Variants in NR3C2 observed in about 807,000 individuals in gnomAD.
The protein encoded by NR3C2 is mineralocorticoid receptor.
In NR3C2, 15 loss-of-function variants were observed where a neutral mutation model predicts 86.4. The observed-to-expected ratio is 0.17, with a 90% CI of 0.12 to 0.27. The LOEUF (loss-of-function observed/expected upper bound fraction) is 0.27. Ranked by LOEUF, NR3C2 falls within the 10% of genes least tolerant of loss-of-function variation. The pLI is 1.00. For missense variants in NR3C2, 960 were observed against 1,195.6 expected (o/e 0.80, Z 2.91); for synonymous variants, 458 against 450.5 (o/e 1.02, Z -0.21).
chr4:148,380,614 T>C (rs1055307837), intron 2 of NR3C2, among the ~76,000 whole-genome samples: 2 of 152,216 alleles, frequency 1.3e-5, no homozygotes, highest in Non-Finnish European at 2.9e-5. Flanking sequence ...CTTGTTACTG[T>C]CTCTTTGATT....
chr4:148,296,224 A>AT lies in NR3C2; in HGVS notation c.1758-36108dup, dbSNP rs565659964. On this transcript the variant is annotated intron_variant, in intron 2 of 8. Coordinates refer to ENST00000358102, the MANE Select transcript of NR3C2 (RefSeq NM_000901.5). ...AAGATTATTTTAAGAATGAAAGTAC[A>AT]TTTTTTTTTTGTTTACTGTCAACTT... 8.9e-3 allele frequency among the ~76,000 whole-genome samples: 1,322 copies of AT among 149,206 alleles called. 10 individuals carry two copies. Among genetic ancestry groups the AT allele is most frequent in the South Asian group, 0.029 (139 of 4,732 alleles).
chr4:148,251,696 A>G (rs1739587443), intron 3 of NR3C2, among the ~76,000 whole-genome samples: 1 of 152,228 alleles, frequency 6.6e-6, no homozygotes, highest in Non-Finnish European at 1.5e-5. Context: ...TCAAGATGTT[A>G]AAGAGGTACT....
chr4:148,096,087 T>A (rs1019288933), intron 8 of NR3C2, among the ~76,000 whole-genome samples: 1 of 152,190 alleles, frequency 6.6e-6, no homozygotes, highest in African/African-American at 2.4e-5. Context: ...TAACGTTTCC[T>A]TGTATTAAAA....
chr4:148,299,301 CT>C (rs968730290), intron 2 of NR3C2, among the ~76,000 whole-genome samples: 2 of 151,996 alleles, frequency 1.3e-5, no homozygotes, highest in African/African-American at 2.4e-5. Flanking sequence ...ATCTTTTCCC[CT>C]TTTTTTTCTG....
At chr4:148,316,366 A>G (rs570698569) in intron 2 of NR3C2, among the ~76,000 whole-genome samples, 4 of 152,158 alleles carry the variant, frequency 2.6e-5, no homozygotes, top group Non-Finnish European at 5.9e-5. Context: ...CGGAACATGT[A>G]TTATATTTAT....
intron 2 of NR3C2, among the ~76,000 whole-genome samples, chr4:148,403,071 C>A (rs1230132691): frequency 6.6e-6 from 1 of 151,844 alleles, no homozygotes; most frequent in Non-Finnish European, 1.5e-5. Context: ...CATTTTTAAA[C>A]ACAGATTCTA....
At chr4:148,137,174 T>C (rs1733386449) in intron 6 of NR3C2, among the ~76,000 whole-genome samples, 1 of 152,180 alleles carries the variant, frequency 6.6e-6, no homozygotes, top group Admixed American at 6.5e-5. Flanking sequence ...GGTAGCACTA[T>C]ATAATCATAA....
chr4:148,313,110 G>A (rs899913338), intron 2 of NR3C2, among the ~76,000 whole-genome samples: 1 of 152,146 alleles, frequency 6.6e-6, no homozygotes, highest in African/African-American at 2.4e-5. Flanking sequence ...ATACCTAAAT[G>A]AGATAGAACA....
At chr4:148,269,434 C>T (rs377417102) in intron 2 of NR3C2, among the ~76,000 whole-genome samples, 1 of 152,086 alleles carries the variant, frequency 6.6e-6, no homozygotes, top group Non-Finnish European at 1.5e-5. Context: ...AAAATCACTC[C>T]ACATCTTTTC....
rs529851300 is a variant in NR3C2, at chr4:148,154,851, G to T, written c.2065C>A (p.Pro689Thr). The T allele has an allele frequency of 3.1e-6, 5 of 1,588,616 alleles. No homozygotes were observed. The South Asian group carries it at 4.6e-5, about 15-fold the overall frequency. Residue 689 changes from proline (P) to threonine (T), a missense_variant, in exon 5 of 9, where the codon CCA becomes ACA. Physicochemically the swap from Pro to Thr is conservative, Grantham distance 38. Transcript: ENST00000358102. ...GKLKGIHEEQ[P>T]QQQQPPPPPP... ...GGGGGTGGGGGCTGCTGCTGCTGTG[G>T]CTGCTCCTCGTGAATCCCTTTTAAC...
At chr4:148,169,533 AAT>A (rs889350945) in intron 4 of NR3C2, among the ~76,000 whole-genome samples, 1 of 150,922 alleles carries the variant, frequency 6.6e-6, no homozygotes, top group African/African-American at 2.4e-5. Context: ...CATGTATATA[AAT>A]ATATATATAT....
chr4:148,147,782 A>G (rs1017963213), intron 6 of NR3C2, among the ~76,000 whole-genome samples: 6 of 152,188 alleles, frequency 3.9e-5, no homozygotes, highest in African/African-American at 1.2e-4. Flanking sequence ...AGCACGGGTA[A>G]TGGCTCAGCG....
chr4:148,143,638 A>G (rs1051594270), intron 6 of NR3C2, among the ~76,000 whole-genome samples: 1 of 152,204 alleles, frequency 6.6e-6, no homozygotes, highest in African/African-American at 2.4e-5. Context: ...AGGGTTTTAT[A>G]AAAACAAAAC....
At chr4:148,366,848 C>T (rs1234724143) in intron 2 of NR3C2, among the ~76,000 whole-genome samples, 1 of 152,068 alleles carries the variant, frequency 6.6e-6, no homozygotes, top group Non-Finnish European at 1.5e-5. Context: ...TGACCTTGTA[C>T]TATATTAAGA....
At chr4:148,431,669 T>C (rs1749807449) in intron 2 of NR3C2, among the ~76,000 whole-genome samples, 1 of 152,190 alleles carries the variant, frequency 6.6e-6, no homozygotes, top group Non-Finnish European at 1.5e-5. Context: ...CAGACTGAAA[T>C]AAAGACAACA....
chr4:148,099,729 G>C (rs533274226), intron 8 of NR3C2, among the ~76,000 whole-genome samples: 1 of 152,154 alleles, frequency 6.6e-6, no homozygotes, highest in African/African-American at 2.4e-5. Context: ...GCATAGGAGC[G>C]GGGGATTTAT....
chr4:148,341,780 G>A (rs897060011), intron 2 of NR3C2, among the ~76,000 whole-genome samples: 3 of 151,982 alleles, frequency 2.0e-5, no homozygotes, highest in Non-Finnish European at 4.4e-5. Flanking sequence ...AGCAGCAATG[G>A]CTACCCAGAA....
rs1220936053 is a variant in NR3C2 at position 148,130,787 on chromosome 4, GTTTTT to G, written c.2511-10504_2511-10500del. 2.5e-3 allele frequency among the ~76,000 whole-genome samples: 325 copies of G among 128,332 alleles called. 4 individuals are homozygous for G. The highest frequency in any genetic ancestry group is 0.013 in the East Asian group (56 of 4,468). 84.2% of individuals were successfully genotyped at this position (128,332 alleles called of 152,430 possible). ...CAAGAGGAGGCCTCTCAATGAACAC[GTTTTT>G]TTTTTTGTTTTGTTTTGTTTTGTTT... On this transcript the variant is annotated intron_variant, in intron 6 of 8. Transcript: ENST00000358102.
intron 2 of NR3C2, among the ~76,000 whole-genome samples, chr4:148,312,665 A>T (rs1742961297): frequency 6.6e-6 from 1 of 152,206 alleles, no homozygotes; most frequent in African/African-American, 2.4e-5. Context: ...AGTTATATAC[A>T]GTTGTATATG....
Sources: gnomAD v4.1 joint callset for allele counts (sites outside exome capture counted in the v4.1 genomes callset) on GRCh38, gnomAD v4.1.1 for gene constraint, MANE v1.5 for transcripts, NCBI Gene and HGNC (gene_info 2026-07-23, HGNC 2026-07-21) for gene names.